PDE1C: variants seen among roughly 807,000 people sequenced by gnomAD.
PDE1C encodes the protein phosphodiesterase 1C, also known as dual specificity calcium/calmodulin-dependent 3',5'-cyclic nucleotide phosphodiesterase 1C.
PDE1C carries 62 observed loss-of-function variants against 93.1 expected under a neutral mutation model. The observed-to-expected ratio is 0.67, with a 90% confidence interval of 0.54 to 0.82. PDE1C has a LOEUF of 0.82. Ranked by LOEUF, PDE1C falls within the 40% of genes least tolerant of loss-of-function variation. The pLI is 0.00. For synonymous variants in PDE1C, 325 were observed against 310.1 expected, an observed-to-expected ratio of 1.05 and a Z score of -0.50; for missense variants, 742 against 884.6, an observed-to-expected ratio of 0.84 and a Z score of 2.04.
chr7:32,058,757 T>C (rs1018051697), intron 1 of PDE1C, among the ~76,000 whole-genome samples: 1 of 152,210 alleles, frequency 6.6e-6, no homozygotes, highest in African/African-American at 2.4e-5. Flanking sequence ...GAAAAATATA[T>C]ACATAAACTG....
chr7:31,740,027 A>G, the PDE1C span, among the ~76,000 whole-genome samples: 1 of 152,062 alleles, frequency 6.6e-6, no homozygotes, highest in African/African-American at 2.4e-5. Flanking sequence ...GTCATTTCCT[A>G]TCTTACCTTT....
chr7:32,406,781 G>A (rs1245541323), intron 1 of PDE1C, among the ~76,000 whole-genome samples: 1 of 152,140 alleles, frequency 6.6e-6, no homozygotes, highest in Non-Finnish European at 1.5e-5. Context: ...GAAATGAAGA[G>A]CAAGGATTGC....
chr7:32,109,648 T>C (rs905252500), intron 3 of PDE1C, among the ~76,000 whole-genome samples: 4 of 152,188 alleles, frequency 2.6e-5, no homozygotes, highest in Admixed American at 6.5e-5. Context: ...TGAGAATCAC[T>C]GGTCTAAATG....
chr7:31,871,482 C>G (rs954120698), intron 6 of PDE1C, among the ~76,000 whole-genome samples: 1 of 151,588 alleles, frequency 6.6e-6, no homozygotes, highest in Non-Finnish European at 1.5e-5. Context: ...GGACTAATAC[C>G]CAAAATGTAC....
intron 14 of PDE1C, among the ~76,000 whole-genome samples, chr7:31,818,331 A>C (rs1410240463): frequency 6.6e-6 from 1 of 152,162 alleles, no homozygotes; most frequent in Non-Finnish European, 1.5e-5. Context: ...AGGATGCAGG[A>C]CCACAAAAGG....
intron 3 of PDE1C, among the ~76,000 whole-genome samples, chr7:32,123,580 C>G (rs941872700): frequency 6.6e-6 from 1 of 152,130 alleles, no homozygotes; most frequent in African/African-American, 2.4e-5. Flanking sequence ...TAATCCATCA[C>G]ATAAACAGAA....
chr7:32,356,746 C>A (rs1443826765), intron 1 of PDE1C, among the ~76,000 whole-genome samples: 2 of 152,132 alleles, frequency 1.3e-5, no homozygotes, highest in Non-Finnish European at 2.9e-5. Flanking sequence ...GCTATTCCAG[C>A]CTTGATTTTT....
the PDE1C span, among the ~76,000 whole-genome samples, chr7:31,647,753 A>G: frequency 1.3e-5 from 2 of 151,746 alleles, no homozygotes; most frequent in African/African-American, 4.8e-5. Context: ...TTCTGAGCAG[A>G]TGTTGAAACT....
intron 2 of PDE1C, among the ~76,000 whole-genome samples, chr7:31,993,407 T>C (rs1048916150): frequency 6.6e-6 from 1 of 151,984 alleles, no homozygotes; most frequent in Non-Finnish European, 1.5e-5. Context: ...CCTAGAAGGG[T>C]ATGGCTGCAG....
chr7:31,863,614 A>G lies in PDE1C; in HGVS notation c.750+1328T>C, dbSNP rs142366103. Reference sequence around the variant, plus strand: ...TAGTGTTTTAAATACTATTTTTAAGAAATCAGCTTTATAATAAGGAAGAAC... The same window carrying G: ...TAGTGTTTTAAATACTATTTTTAAGGAATCAGCTTTATAATAAGGAAGAAC... On this transcript the variant is annotated intron_variant, in intron 7 of 17. Coordinates refer to ENST00000396191, the MANE Select transcript of PDE1C (RefSeq NM_001191057.4). Among the ~76,000 whole-genome samples the G allele has an allele frequency of 1.3e-3, 197 of 152,318 alleles. 5 individuals are homozygous for G. The highest frequency in any genetic ancestry group is 4.6e-3 in the African/African-American group (190 of 41,580).
At chr7:32,116,183 A>C (rs1352676174) in intron 3 of PDE1C, among the ~76,000 whole-genome samples, 6 of 152,324 alleles carry the variant, frequency 3.9e-5, no homozygotes, top group Admixed American at 3.9e-4. Context: ...TTGAAACTTC[A>C]TGTGATGATT....
the PDE1C span, chr7:31,651,396 G>A: frequency 1.1e-4 from 122 of 1,124,236 alleles, no homozygotes; most frequent in Non-Finnish European, 1.4e-4. Flanking sequence ...CTTTTCCTTT[G>A]CTTTCTTGGT....
intron 2 of PDE1C, among the ~76,000 whole-genome samples, chr7:31,922,186 A>G (rs1802715598): frequency 6.6e-6 from 1 of 152,286 alleles, no homozygotes; most frequent in Admixed American, 6.5e-5. Context: ...CTCTTGTGTG[A>G]TATCCTTGGC....
chr7:31,798,082 G>A (rs1785530002), intron 16 of PDE1C, among the ~76,000 whole-genome samples: 1 of 151,820 alleles, frequency 6.6e-6, no homozygotes, highest in East Asian at 2.0e-4. Flanking sequence ...AGTTCACCAA[G>A]CAACCTTCTG....
intron 7 of PDE1C, among the ~76,000 whole-genome samples, chr7:31,852,828 A>G (rs1368201806): frequency 6.6e-6 from 1 of 151,126 alleles, no homozygotes; most frequent in Non-Finnish European, 1.5e-5. Context: ...TTTTCTTGAT[A>G]TTATCCATAC....
At chr7:32,205,957 G>C (rs776730407) in intron 2 of PDE1C, among the ~76,000 whole-genome samples, 35 of 152,162 alleles carry the variant, frequency 2.3e-4, no homozygotes, top group Non-Finnish European at 1.6e-4. Flanking sequence ...ACACTCACCA[G>C]GTGGGTCCAT....
chr7:31,966,230 C>A (rs1809935155), intron 2 of PDE1C, among the ~76,000 whole-genome samples: 1 of 152,082 alleles, frequency 6.6e-6, no homozygotes, highest in South Asian at 2.1e-4. Context: ...CGTGCAGAGA[C>A]ACACATAGGC....
At chr7:32,018,992 T>C (rs1417754818) in intron 2 of PDE1C, among the ~76,000 whole-genome samples, 1 of 151,848 alleles carries the variant, frequency 6.6e-6, no homozygotes, top group Non-Finnish European at 1.5e-5. Flanking sequence ...TGTTGCTATA[T>C]TCACACCCCC....
upstream of PDE1C, among the ~76,000 whole-genome samples, chr7:32,303,396 C>G (rs2128902640): frequency 6.6e-6 from 1 of 152,328 alleles, no homozygotes; most frequent in East Asian, 1.9e-4. Flanking sequence ...AACCAAGAAA[C>G]AGTCCCTGCC....
Sources: gnomAD v4.1 joint callset for allele counts (sites outside exome capture counted in the v4.1 genomes callset) on GRCh38, gnomAD v4.1.1 for gene constraint, MANE v1.5 for transcripts, NCBI Gene and HGNC (gene_info 2026-07-23, HGNC 2026-07-21) for gene names.